Variants in FBN2 observed in about 807,000 individuals in gnomAD.
FBN2 encodes fibrillin 2.
A neutral mutation model predicts 355.6 loss-of-function variants in FBN2; 105 were observed. The ratio of observed to expected loss-of-function variants is 0.30; its 90% CI spans 0.25 to 0.35. The LOEUF is 0.35. FBN2 is among the 10% of genes least tolerant of loss of function. The pLI is 1.00. For missense variants in FBN2, 3,280 were observed against 3,758.7 expected (o/e 0.87, Z 3.33); for synonymous variants, 1,350 against 1,301.2 (o/e 1.04, Z -0.81).
At chr5:128,289,375 G>A in intron 51 of FBN2, 123 bp from the exon 52 acceptor site, 1 of 953,610 alleles carries the variant, frequency 1.0e-6, no homozygotes. Context: ...CCTGAGGTCA[G>A]GAGCTTGAGA....
intron 11 of FBN2, 109 bp downstream of exon 11, chr5:128,391,909 T>C: frequency 1.0e-6 from 1 of 962,220 alleles, no homozygotes; most frequent in Non-Finnish European, 1.6e-6. Context: ...GTTTGGAAAT[T>C]AGCTGTATTT....
At position 128,303,151 on chromosome 5, in the gene FBN2, C is replaced by T. The variant is rs143630288; in HGVS notation, c.5801-62G>A. On this transcript the variant is annotated intron_variant, in intron 45 of 64. Transcript: ENST00000262464. ...AACTAGAAAAAAATGGGCTATTAAC[C>T]GTTTTATATGTTTAACTTATGGAAT... 431 of 929,398 alleles carry T rather than the reference C, an allele frequency of 4.6e-4. 2 individuals carry two copies. The highest frequency in any genetic ancestry group is 3.6e-3 in the African/African-American group (220 of 61,898). The allele number at this position is 929,398 out of a possible 1,614,324, so 57.6% of individuals were successfully genotyped here. A position where few individuals can be genotyped will look rare whatever the true frequency, so the allele number is the denominator to read the frequency against.
At chr5:128,493,376 G>A (rs992382851) in intron 5 of FBN2, among the ~76,000 whole-genome samples, 4 of 152,104 alleles carry the variant, frequency 2.6e-5, no homozygotes, top group African/African-American at 9.7e-5. Context: ...GACATTTTCA[G>A]TTATGAGAGA....
rs746890032 is a variant in FBN2, at chr5:128,519,317, C to A, written c.584G>T (p.Arg195Leu). The A allele has an allele frequency of 2.5e-6, 4 of 1,613,780 alleles. No homozygotes were observed. The highest frequency in any genetic ancestry group is 1.3e-5 in the African/African-American group (1 of 74,884). ...QNGGRCIGPN[R>L]CACVYGFTGP... ...AGTGAACCCATAAACACAAGCACAGCGGTTGGGTCCGATGCAACGTCCACC... is the reference window on the plus strand; with the variant it reads ...AGTGAACCCATAAACACAAGCACAGAGGTTGGGTCCGATGCAACGTCCACC... The change falls in exon 5 of 65, where the codon CGC (arginine) becomes CTC (leucine). Residue 195 changes from arginine to leucine, a missense_variant. Coordinates refer to ENST00000262464, the MANE Select transcript of FBN2 (RefSeq NM_001999.4).
At chr5:128,287,880 G>T (rs1200971710) in intron 53 of FBN2, among the ~76,000 whole-genome samples, 1 of 150,272 alleles carries the variant, frequency 6.7e-6, no homozygotes, top group African/African-American at 2.4e-5. Flanking sequence ...CAGGGAAGGA[G>T]AAATACTATT....
chr5:128,289,815 A>C (rs1245886423), intron 51 of FBN2, 67 bp downstream of exon 51: 3 of 938,612 alleles, frequency 3.2e-6, no homozygotes, highest in Admixed American at 1.8e-5. Context: ...CATGAGTTAT[A>C]AAATAAATGT....
intron 55 of FBN2, among the ~76,000 whole-genome samples, chr5:128,284,742 G>A (rs1169385077): frequency 6.6e-6 from 1 of 152,172 alleles, no homozygotes; most frequent in East Asian, 1.9e-4. Flanking sequence ...GATAGTTGCT[G>A]CTTCTCCTCT....
chr5:128,271,854 T>A, intron 62 of FBN2, 145 bp downstream of exon 62: 3 of 909,300 alleles, frequency 3.3e-6, no homozygotes, highest in East Asian at 4.8e-5. Context: ...GCAGAATGAG[T>A]CCCCATGCAT....
chr5:128,302,883 A>T, intron 46 of FBN2, 90 bp downstream of exon 46: 1 of 800,154 alleles, frequency 1.2e-6, no homozygotes, highest in East Asian at 2.5e-5. Context: ...TAGTAATATA[A>T]TTTTTTTTTG....
At chr5:128,282,399 A>G (rs1039891181) in intron 55 of FBN2, among the ~76,000 whole-genome samples, 1 of 152,104 alleles carries the variant, frequency 6.6e-6, no homozygotes, top group Non-Finnish European at 1.5e-5. Flanking sequence ...GTCTAATCCT[A>G]TCCTTAATGT....
chr5:128,443,717 C>T (rs1011967886), intron 7 of FBN2, among the ~76,000 whole-genome samples: 3 of 152,098 alleles, frequency 2.0e-5, no homozygotes, highest in East Asian at 1.9e-4. Flanking sequence ...AATTTAATTG[C>T]TGTGTGAGCA....
At chr5:128,463,011 C>T (rs1265819653) in intron 6 of FBN2, among the ~76,000 whole-genome samples, 1 of 151,862 alleles carries the variant, frequency 6.6e-6, no homozygotes, top group Admixed American at 6.6e-5. Flanking sequence ...TTAAAAACAA[C>T]AAAGAAATGA....
intron 13 of FBN2, 25 bp downstream of exon 13, chr5:128,377,727 G>T (rs758495725): frequency 6.2e-7 from 1 of 1,611,888 alleles, no homozygotes; most frequent in South Asian, 1.1e-5. Flanking sequence ...AAAATCTTTT[G>T]CAAGGGAGCA....
At chr5:128,487,803 A>G (rs1755378635) in intron 5 of FBN2, among the ~76,000 whole-genome samples, 1 of 152,204 alleles carries the variant, frequency 6.6e-6, no homozygotes, top group South Asian at 2.1e-4. Flanking sequence ...TTCTTATAAC[A>G]AATGTAAAAT....
intron 32 of FBN2, 24 bp from the exon 33 acceptor site, chr5:128,330,719 C>G: frequency 6.2e-7 from 1 of 1,613,380 alleles, no homozygotes; most frequent in South Asian, 1.1e-5. Context: ...CAATAAAGTT[C>G]AGAAATGAAA....
intron 61 of FBN2, among the ~76,000 whole-genome samples, chr5:128,272,893 A>G (rs984802311): frequency 6.6e-6 from 1 of 152,142 alleles, no homozygotes; most frequent in Non-Finnish European, 1.5e-5. Flanking sequence ...GGTTAAGAAT[A>G]CTTTCAACGT....
At position 128,441,471 on chromosome 5, in the gene FBN2, T is replaced by C. The variant is rs188452351; in HGVS notation, c.952+5010A>G. On this transcript the variant is annotated intron_variant, in intron 7 of 64. Transcript: ENST00000262464. ...ATCCATATAATCCTAAGAAAGTTAC[T>C]TGGCCTCTTTGTGCCTCAGTTTTTT... is the stretch of plus-strand genomic sequence containing the variant. 6.2e-4 allele frequency among the ~76,000 whole-genome samples: 94 copies of C among 152,344 alleles called. No individual in the cohort carries two copies. In the East Asian group the frequency reaches 0.018, roughly 28 times the overall value.
chr5:128,465,053 T>C, intron 5 of FBN2, 132 bp from the exon 6 acceptor site: 1 of 893,272 alleles, frequency 1.1e-6, no homozygotes, highest in Non-Finnish European at 1.8e-6. Context: ...CTAGAGAGTT[T>C]CATGTTAAAA....
intron 7 of FBN2, among the ~76,000 whole-genome samples, chr5:128,445,118 AC>A (rs1754032655): frequency 6.6e-6 from 1 of 152,158 alleles, no homozygotes; most frequent in Non-Finnish European, 1.5e-5. Flanking sequence ...TGTTACTTTC[AC>A]CTTTCCACTA....
Sources: gnomAD v4.1 joint callset for allele counts (sites outside exome capture counted in the v4.1 genomes callset) on GRCh38, gnomAD v4.1.1 for gene constraint, MANE v1.5 for transcripts, NCBI Gene and HGNC (gene_info 2026-07-23, HGNC 2026-07-21) for gene names.